NEDD4L: variants seen among roughly 807,000 people sequenced by gnomAD.
NEDD4L encodes the protein NEDD4 like E3 ubiquitin protein ligase.
Under a neutral mutation model 148.9 loss-of-function variants are expected in NEDD4L, and 54 were observed. That is an observed-to-expected ratio of 0.36 (90% CI 0.29 to 0.45). The LOEUF is 0.45. Among genes scored for constraint, NEDD4L ranks in the 20% least tolerant of loss-of-function variants. NEDD4L has a pLI of 1.00. For synonymous variants in NEDD4L, 433 were observed against 440.7 expected (o/e 0.98, Z 0.22); for missense variants, 856 against 1,233.8 (o/e 0.69, Z 4.59).
At chr18:58,267,457 A>AG (rs1376573560) in intron 5 of NEDD4L, among the ~76,000 whole-genome samples, 1 of 152,038 alleles carries the variant, frequency 6.6e-6, no homozygotes, top group African/African-American at 2.4e-5. Context: ...TACTGGATGG[A>AG]GGGCAAGGCG....
chr18:58,349,346 G>A lies in NEDD4L; in HGVS notation c.1576-191G>A, dbSNP rs1170331548. On this transcript the variant is annotated intron_variant, in intron 16 of 30. Transcript: ENST00000400345. The stretch of plus-strand genomic sequence containing the variant: ...CTCCTCTCTCCACCAAGCACAAGAA[G>A]GAAGAGTACAGTCTGTCTCGAGAGA... Among the ~76,000 whole-genome samples the A allele has an allele frequency of 2.6e-5, 4 of 152,074 alleles. 1 individual carries two copies. In the South Asian group the frequency reaches 8.3e-4, roughly 32 times the overall value.
intron 1 of NEDD4L, among the ~76,000 whole-genome samples, chr18:58,164,149 C>A (rs1395256024): frequency 6.6e-6 from 1 of 151,600 alleles, no homozygotes; most frequent in Non-Finnish European, 1.5e-5. Flanking sequence ...CTTGGTGACC[C>A]CTAGATTTCA....
intron 19 of NEDD4L, among the ~76,000 whole-genome samples, chr18:58,358,090 G>T (rs989709010): frequency 6.6e-6 from 1 of 152,208 alleles, no homozygotes; most frequent in Non-Finnish European, 1.5e-5. Flanking sequence ...ATCACATGCT[G>T]AGCTAAGAGG....
At chr18:58,193,302 A>C (rs1272539479) in intron 2 of NEDD4L, among the ~76,000 whole-genome samples, 1 of 152,258 alleles carries the variant, frequency 6.6e-6, no homozygotes, top group African/African-American at 2.4e-5. Context: ...AATGGAAGTA[A>C]GAGACAGGAC....
intron 1 of NEDD4L, among the ~76,000 whole-genome samples, chr18:58,116,287 G>A (rs2085834030): frequency 6.6e-6 from 1 of 152,204 alleles, no homozygotes; most frequent in Admixed American, 6.5e-5. Context: ...TTAATTTTAT[G>A]GAAGTGGAAA....
At chr18:58,157,596 C>T (rs1011049718) in intron 1 of NEDD4L, among the ~76,000 whole-genome samples, 1 of 151,858 alleles carries the variant, frequency 6.6e-6, no homozygotes, top group African/African-American at 2.4e-5. Flanking sequence ...GATCATGTAT[C>T]TTAAGTTTTC....
At position 58,366,309 on chromosome 18, in the gene NEDD4L, T is replaced by A. The variant is rs2046097391; in HGVS notation, c.2063+81T>A. ...TAAACAGAATGAAAGGATAAGCAGC[T>A]CATGAGTTCGAGATGCATTAACTCT... On this transcript the variant is annotated intron_variant, in intron 21 of 30. Transcript: ENST00000400345. The surrounding 1 kb of genome is among the most constrained non-coding windows in gnomAD (Gnocchi z 4.2). The A allele has an allele frequency of 2.9e-6, 3 of 1,052,052 alleles. No homozygotes were observed. 65.2% of individuals were successfully genotyped at this position (1,052,052 alleles called of 1,614,324 possible). A position where few individuals can be genotyped will look rare whatever the true frequency, so the allele number is the denominator to read the frequency against.
In NEDD4L at chr18:58,400,516, G is replaced by A. The variant is rs572371933; in HGVS notation, c.*4247G>A. 23 of 152,272 alleles carry A rather than the reference G, an allele frequency of 1.5e-4. No individual in the cohort carries two copies. The highest frequency in any genetic ancestry group is 4.3e-4 in the African/African-American group (18 of 41,550). The allele number at this position is 152,272 out of a possible 1,614,324, so 9.4% of individuals were successfully genotyped here. On this transcript the variant is annotated 3_prime_UTR_variant, in exon 31 of 31. Transcript: ENST00000400345. ...GCCACAGCATTAGGACGGGAGCTTG[G>A]AGAACGTTTTCTAGAAAAGGGTTAG...
chr18:58,058,199 G>A (rs1426531149), intron 1 of NEDD4L, among the ~76,000 whole-genome samples: 10 of 152,140 alleles, frequency 6.6e-5, no homozygotes, highest in East Asian at 1.9e-4. Context: ...CCAGCCTCTC[G>A]GGAGGCTGAG....
intron 2 of NEDD4L, chr18:58,195,399 T>C: frequency 1.6e-6 from 2 of 1,264,654 alleles, no homozygotes; most frequent in East Asian, 1.0e-4. Context: ...CACTTCCGTG[T>C]TCCCCACATT....
chr18:58,341,229 C>G (rs893406217), intron 14 of NEDD4L, 60 bp downstream of exon 14: 1 of 1,573,040 alleles, frequency 6.4e-7, no homozygotes, highest in Admixed American at 1.8e-5. Context: ...TGTACATGAC[C>G]GAACTCCTTT....
chr18:58,172,668 G>A (rs928643585), intron 2 of NEDD4L, among the ~76,000 whole-genome samples: 24 of 152,182 alleles, frequency 1.6e-4, no homozygotes, highest in Middle Eastern at 3.2e-3. Context: ...GTGCTCACAG[G>A]TTGGCTGGCA....
intron 18 of NEDD4L, among the ~76,000 whole-genome samples, chr18:58,351,875 C>T (rs948268248): frequency 2.0e-5 from 3 of 152,170 alleles, no homozygotes; most frequent in Admixed American, 2.0e-4. Flanking sequence ...CATAACTAAA[C>T]AAAAGCACGT....
At chr18:58,343,978 T>A (rs1372163860) in intron 16 of NEDD4L, among the ~76,000 whole-genome samples, 1 of 152,212 alleles carries the variant, frequency 6.6e-6, no homozygotes, top group Non-Finnish European at 1.5e-5. Flanking sequence ...TATGTCCCCA[T>A]CGAATTGTCT....
intron 9 of NEDD4L, among the ~76,000 whole-genome samples, chr18:58,327,517 C>T (rs1288064040): frequency 6.6e-6 from 1 of 152,242 alleles, no homozygotes. Flanking sequence ...AGGAAGGACA[C>T]AGCAGAACTT....
At position 58,366,823 on chromosome 18, in the gene NEDD4L, A is replaced by G. The variant is rs758083067; in HGVS notation, c.2063+595A>G. Among the ~76,000 whole-genome samples, 1 of 152,198 alleles carries G rather than the reference A, an allele frequency of 6.6e-6. No individual in the cohort carries two copies. Among genetic ancestry groups the G allele is most frequent in the Non-Finnish European group, 1.5e-5 (1 of 68,024 alleles). On this transcript the variant is annotated intron_variant, in intron 21 of 30. Transcript: ENST00000400345. This position sits in a 1 kb window ranked among gnomAD's most constrained non-coding sequence, Gnocchi z 4.2. Reference sequence around the variant, plus strand: ...TCCTCCAAGGGTTGGGCAGTACCCAAGCCCCCAGTAGAATAGTCATTGACC... The same window carrying G: ...TCCTCCAAGGGTTGGGCAGTACCCAGGCCCCCAGTAGAATAGTCATTGACC...
At chr18:58,126,312 G>A (rs1197262067) in intron 1 of NEDD4L, among the ~76,000 whole-genome samples, 1 of 152,160 alleles carries the variant, frequency 6.6e-6, no homozygotes, top group Non-Finnish European at 1.5e-5. Flanking sequence ...GTTCCCCTGA[G>A]CCCCTGGAGA....
At chr18:58,102,368 C>T (rs1332085299) in intron 1 of NEDD4L, among the ~76,000 whole-genome samples, 1 of 152,086 alleles carries the variant, frequency 6.6e-6, no homozygotes, top group Non-Finnish European at 1.5e-5. Flanking sequence ...ATGCTGTAAC[C>T]CCACCTATTG....
intron 2 of NEDD4L, among the ~76,000 whole-genome samples, chr18:58,232,646 T>C (rs1402523563): frequency 6.6e-6 from 1 of 152,224 alleles, no homozygotes; most frequent in Non-Finnish European, 1.5e-5. Flanking sequence ...TGTGGCTCTT[T>C]TTCTGTTGAT....
Sources: allele counts gnomAD v4.1 joint callset (sites outside exome capture counted in the v4.1 genomes callset), GRCh38; gene constraint gnomAD v4.1.1; non-coding constraint Gnocchi (gnomAD v3.1); transcripts MANE v1.5; gene names NCBI Gene and HGNC (gene_info 2026-07-23, HGNC 2026-07-21).